EYS: variants seen among roughly 807,000 people sequenced by gnomAD.
EYS encodes the protein protein eyes shut homolog.
A neutral mutation model predicts 282.1 loss-of-function variants in EYS; 250 were observed. That is an observed-to-expected ratio of 0.89 (90% CI 0.80 to 0.98). The LOEUF is 0.98. Among genes scored for constraint, EYS ranks in the 50% least tolerant of loss-of-function variants. The pLI, the probability that EYS is intolerant of heterozygous loss-of-function variation, is 0.00. For missense variants in EYS, 4,016 were observed against 3,709.0 expected (o/e 1.08, Z -2.15); for synonymous variants, 1,355 against 1,282.9 (o/e 1.06, Z -1.20).
At chr6:64,747,190 G>T (rs1772583087) in intron 22 of EYS, among the ~76,000 whole-genome samples, 1 of 152,154 alleles carries the variant, frequency 6.6e-6, no homozygotes, top group South Asian at 2.1e-4. Context: ...AAGGATCAAT[G>T]GGTTATATCA....
chr6:64,411,860 A>G (rs1009952613), intron 28 of EYS, among the ~76,000 whole-genome samples: 12 of 88,592 alleles, frequency 1.4e-4, no homozygotes, highest in Non-Finnish European at 2.3e-4. Context: ...GCATATATGT[A>G]TATTTGTATA....
chr6:64,208,125 T>A (rs558188030), intron 31 of EYS, among the ~76,000 whole-genome samples: 1 of 152,210 alleles, frequency 6.6e-6, no homozygotes, highest in Non-Finnish European at 1.5e-5. Flanking sequence ...TATCTTGTGA[T>A]GTGAAGGATG....
Position 64,765,549 on chromosome 6 carries a change from A to G in EYS, c.3443+47829T>C, listed in dbSNP as rs192928109. On this transcript the variant is annotated intron_variant, in intron 22 of 42. Coordinates refer to ENST00000503581, the MANE Select transcript of EYS (RefSeq NM_001142800.2). Reference sequence around the variant, plus strand: ...GTCTATTTTCACACTACAGTAAAGAACTACCTAGGCTGGGTAATTTATGAA... The same window carrying G: ...GTCTATTTTCACACTACAGTAAAGAGCTACCTAGGCTGGGTAATTTATGAA... 3.9e-3 allele frequency among the ~76,000 whole-genome samples: 595 copies of G among 152,342 alleles called. 1 individual carries two copies. Among genetic ancestry groups the G allele is most frequent in the Non-Finnish European group, 6.4e-3 (432 of 68,026 alleles).
chr6:65,373,543 G>A (rs922848445), intron 8 of EYS, among the ~76,000 whole-genome samples: 1 of 151,810 alleles, frequency 6.6e-6, no homozygotes, highest in Non-Finnish European at 1.5e-5. Context: ...CAGCACCTCA[G>A]AAAACACATA....
At chr6:64,156,057 T>A (rs954332302) in intron 31 of EYS, among the ~76,000 whole-genome samples, 27 of 150,666 alleles carry the variant, frequency 1.8e-4, no homozygotes, top group Admixed American at 6.6e-5. Context: ...TGTGTGTATG[T>A]GTGTATTATA....
chr6:65,159,730 G>T (rs749255151), intron 12 of EYS, among the ~76,000 whole-genome samples: 7 of 150,566 alleles, frequency 4.6e-5, no homozygotes, highest in African/African-American at 7.3e-5. Context: ...ATTAAGTTTT[G>T]GTATTGTAGA....
At chr6:63,993,909 A>T (rs1356000689) in intron 34 of EYS, among the ~76,000 whole-genome samples, 1 of 151,932 alleles carries the variant, frequency 6.6e-6, no homozygotes, top group African/African-American at 2.4e-5. Flanking sequence ...TTACAGAGCT[A>T]TAGTAATCAA....
intron 19 of EYS, among the ~76,000 whole-genome samples, chr6:64,829,310 T>A (rs140615607): frequency 4.6e-4 from 70 of 151,904 alleles, no homozygotes; most frequent in African/African-American, 1.6e-3. Flanking sequence ...GTAGCTAGAG[T>A]GGCAAATATG....
intron 22 of EYS, among the ~76,000 whole-genome samples, chr6:64,776,572 G>A (rs1414121974): frequency 6.6e-6 from 1 of 151,868 alleles, no homozygotes; most frequent in African/African-American, 2.4e-5. Context: ...CTCTTTGTGT[G>A]TAGTTATATG....
At chr6:65,272,184 A>T (rs1465716041) in intron 12 of EYS, among the ~76,000 whole-genome samples, 1 of 152,174 alleles carries the variant, frequency 6.6e-6, no homozygotes, top group Non-Finnish European at 1.5e-5. Flanking sequence ...AGTCACTGAG[A>T]TCTTTGCTTC....
intron 29 of EYS, among the ~76,000 whole-genome samples, chr6:64,357,361 T>C (rs1771857813): frequency 6.6e-6 from 1 of 151,670 alleles, no homozygotes; most frequent in Non-Finnish European, 1.5e-5. Flanking sequence ...CAAGTTCTAC[T>C]GCCAAATAAA....
chr6:64,901,300 A>ATATATATATG (rs1242020792), intron 18 of EYS, among the ~76,000 whole-genome samples: 1 of 122,956 alleles, frequency 8.1e-6, no homozygotes, highest in African/African-American at 3.4e-5. Flanking sequence ...TTGAGTATAT[A>ATATATATATG]TATATATATA....
chr6:64,403,344 G>A (rs1582707936), intron 28 of EYS, among the ~76,000 whole-genome samples: 2 of 151,636 alleles, frequency 1.3e-5, no homozygotes, highest in East Asian at 3.9e-4. Flanking sequence ...TCATTAAAAG[G>A]ATAAAAAAAA....
At position 65,141,043 on chromosome 6, in the gene EYS, G is replaced by A. The variant is rs866378146; in HGVS notation, c.2024-83316C>T. Among the ~76,000 whole-genome samples, 4 of 151,652 alleles carry A rather than the reference G, an allele frequency of 2.6e-5. No individual in the cohort carries two copies. The East Asian group carries it at 5.8e-4, about 22-fold the overall frequency. On this transcript the variant is annotated intron_variant, in intron 12 of 42. Coordinates refer to ENST00000503581, the MANE Select transcript of EYS (RefSeq NM_001142800.2). ...TGCTGCTATAAAGACACATGCACAC[G>A]TATGTTTATTGCGGCACTATTCACG...
chr6:63,832,935 C>A (rs1771687786), intron 36 of EYS, among the ~76,000 whole-genome samples: 1 of 152,092 alleles, frequency 6.6e-6, no homozygotes, highest in African/African-American at 2.4e-5. Context: ...TAAATGGAAT[C>A]CATCATATAA....
intron 35 of EYS, among the ~76,000 whole-genome samples, chr6:63,871,863 T>G (rs1213390384): frequency 6.6e-6 from 1 of 152,082 alleles, no homozygotes. Context: ...CTTTCCTGTC[T>G]TCTTACTCCT....
intron 23 of EYS, among the ~76,000 whole-genome samples, chr6:64,624,006 G>C (rs1237381708): frequency 6.6e-6 from 1 of 152,136 alleles, no homozygotes; most frequent in Non-Finnish European, 1.5e-5. Context: ...TTGGGGACGT[G>C]TCAATAGCAT....
chr6:64,100,830 C>G (rs1013999843), intron 31 of EYS, among the ~76,000 whole-genome samples: 1 of 152,130 alleles, frequency 6.6e-6, no homozygotes, highest in African/African-American at 2.4e-5. Context: ...CGTGGCTGAG[C>G]ACCAGTAGTT....
chr6:65,227,986 G>A (rs971279679), intron 12 of EYS, among the ~76,000 whole-genome samples: 1 of 151,858 alleles, frequency 6.6e-6, no homozygotes, highest in Non-Finnish European at 1.5e-5. Flanking sequence ...GTTCTAGTAA[G>A]GAATAAGGAT....
Sources: gnomAD v4.1 joint callset for allele counts (sites outside exome capture counted in the v4.1 genomes callset) on GRCh38, gnomAD v4.1.1 for gene constraint, MANE v1.5 for transcripts, NCBI Gene and HGNC (gene_info 2026-07-23, HGNC 2026-07-21) for gene names.